The following UBE2U variants were observed in gnomAD, a reference collection of about 807,000 sequenced individuals.
The protein encoded by UBE2U is ubiquitin conjugating enzyme E2 U.
Under a neutral mutation model 41.2 loss-of-function variants are expected in UBE2U, and 39 were observed. The observed-to-expected ratio is 0.95, with a 90% CI of 0.73 to 1.24. The LOEUF (loss-of-function observed/expected upper bound fraction) is 1.24. UBE2U is among the 50% of genes most tolerant of loss of function. The pLI, the probability that UBE2U is intolerant of heterozygous loss-of-function variation, is 0.00. For missense variants in UBE2U, 336 were observed against 363.1 expected (o/e 0.93, Z 0.61); for synonymous variants, 107 against 117.8 (o/e 0.91, Z 0.60).
At chr1:64,209,437 G>A (rs568943598) in intron 3 of UBE2U, among the ~76,000 whole-genome samples, 1 of 152,122 alleles carries the variant, frequency 6.6e-6, no homozygotes, top group Non-Finnish European at 1.5e-5. Flanking sequence ...TGACCATACT[G>A]GGTATAGTCT....
rs1390326661 is a variant in UBE2U, at chr1:64,239,166, G to GAA, written c.596-2485_596-2484dup. Among the ~76,000 whole-genome samples, 45 of 84,704 alleles carry GAA rather than the reference G, an allele frequency of 5.3e-4. No homozygotes were observed. The East Asian group carries it at 0.021, about 40-fold the overall frequency. 55.6% of individuals were successfully genotyped at this position (84,704 alleles called of 152,430 possible). A position where few individuals can be genotyped will look rare whatever the true frequency, so the allele number is the denominator to read the frequency against. The stretch of plus-strand genomic sequence containing the variant: ...GAAGAAGAAGAAGAAGAAAGAAGAA[G>GAA]AAGAAGAAGAAGAAGAAGAAGAAGA... On this transcript the variant is annotated intron_variant, in intron 7 of 9. Transcript: ENST00000371077.
At chr1:64,241,289 A>G (rs534092847) in intron 7 of UBE2U, among the ~76,000 whole-genome samples, 6 of 152,304 alleles carry the variant, frequency 3.9e-5, no homozygotes, top group African/African-American at 1.2e-4. Flanking sequence ...GTTTTATTGC[A>G]TGACACTTAG....
intron 8 of UBE2U, among the ~76,000 whole-genome samples, chr1:64,246,583 A>G (rs1382179773): frequency 6.6e-6 from 1 of 152,164 alleles, no homozygotes; most frequent in Admixed American, 6.6e-5. Context: ...TTTTAAATAC[A>G]CACGTGGGAA....
chr1:64,257,088 G>A (rs998051587), intron 8 of UBE2U, among the ~76,000 whole-genome samples: 4 of 152,044 alleles, frequency 2.6e-5, no homozygotes, highest in Non-Finnish European at 5.9e-5. Flanking sequence ...TCAGAATGGC[G>A]ATTATTAAAA....
intron 7 of UBE2U, among the ~76,000 whole-genome samples, chr1:64,237,444 A>T (rs186521570): frequency 6.6e-6 from 1 of 152,328 alleles, no homozygotes; most frequent in East Asian, 1.9e-4. Flanking sequence ...CACAAATGCA[A>T]GATATCGTAG....
intron 5 of UBE2U, among the ~76,000 whole-genome samples, chr1:64,216,273 C>G (rs1419215823): frequency 1.3e-5 from 2 of 152,146 alleles, no homozygotes; most frequent in Non-Finnish European, 2.9e-5. Flanking sequence ...TAGAAAATTC[C>G]CTTCTTCTAA....
rs370369595 is a variant in UBE2U at position 64,221,214 on chromosome 1, C to T, written c.506+307C>T. ...ACAACCTCAGCCTCCACGGTTCAAG[C>T]GATTCTCCTGCCTCAGCCTCCCAAG... On this transcript the variant is annotated intron_variant, in intron 6 of 9. Transcript: ENST00000371077. Among the ~76,000 whole-genome samples the T allele has an allele frequency of 3.5e-4, 53 of 152,200 alleles. 1 individual carries two copies. The highest frequency in any genetic ancestry group is 1.2e-3 in the African/African-American group (49 of 41,520).
chr1:64,248,879 T>C (rs994414787), intron 8 of UBE2U, among the ~76,000 whole-genome samples: 2 of 151,758 alleles, frequency 1.3e-5, no homozygotes, highest in Non-Finnish European at 2.9e-5. Context: ...CCAGCTAGAG[T>C]GGAGAGACAC....
intron 5 of UBE2U, among the ~76,000 whole-genome samples, chr1:64,220,442 G>A (rs1652365508): frequency 2.0e-5 from 3 of 152,148 alleles, no homozygotes; most frequent in South Asian, 4.1e-4. Context: ...TTTTCCAGAG[G>A]TTAAATATCT....
intron 8 of UBE2U, among the ~76,000 whole-genome samples, chr1:64,242,930 A>C (rs901035427): frequency 1.3e-5 from 2 of 152,168 alleles, no homozygotes; most frequent in African/African-American, 4.8e-5. Context: ...TTCCTTTAAC[A>C]GAACTGTTTT....
intron 5 of UBE2U, among the ~76,000 whole-genome samples, chr1:64,216,958 C>A (rs1320132384): frequency 6.6e-6 from 1 of 152,166 alleles, no homozygotes; most frequent in Non-Finnish European, 1.5e-5. Flanking sequence ...ATTCCCAGTA[C>A]CTCCTTTCAC....
chr1:64,257,132 G>GA (rs1384967311), intron 8 of UBE2U, among the ~76,000 whole-genome samples: 2 of 152,144 alleles, frequency 1.3e-5, no homozygotes, highest in Non-Finnish European at 1.5e-5. Context: ...CAAGTTTGCA[G>GA]AAAAAAAGGA....
chr1:64,214,055 T>G lies in UBE2U; in HGVS notation c.340-760T>G, dbSNP rs369467433. On this transcript the variant is annotated intron_variant, in intron 4 of 9. Transcript: ENST00000371077. ...AACATTGTTATGTGGCACGTGAGTA[T>G]GTAAACTATACAGCCTGTTTCTTTT... 2.6e-4 allele frequency among the ~76,000 whole-genome samples: 40 copies of G among 152,356 alleles called. 4 individuals carry two copies. The South Asian group carries it at 4.8e-3, about 18-fold the overall frequency.
At chr1:64,205,515 TA>T (rs1651239161) in intron 1 of UBE2U, 123 bp from the exon 2 acceptor site, 2 of 761,556 alleles carry the variant, frequency 2.6e-6, no homozygotes, top group South Asian at 1.9e-5. Flanking sequence ...AGCAAATAAA[TA>T]AACTTATCAA....
chr1:64,251,751 T>C (rs966394046), intron 8 of UBE2U, among the ~76,000 whole-genome samples: 3 of 152,168 alleles, frequency 2.0e-5, no homozygotes, highest in Non-Finnish European at 2.9e-5. Context: ...ACCAGGGCCT[T>C]GGGTCCAATA....
intron 6 of UBE2U, among the ~76,000 whole-genome samples, chr1:64,222,083 C>T (rs1652519833): frequency 8.7e-6 from 1 of 114,776 alleles, no homozygotes; most frequent in Non-Finnish European, 1.7e-5. Flanking sequence ...CAGAGAGAGA[C>T]TCCATCTCAA....
At chr1:64,211,898 C>T (rs1009901207) in intron 4 of UBE2U, among the ~76,000 whole-genome samples, 2 of 152,158 alleles carry the variant, frequency 1.3e-5, no homozygotes, top group South Asian at 2.1e-4. Context: ...TAAATAATTA[C>T]ATTTTGATTA....
rs1010020372 is a variant in UBE2U, at chr1:64,211,899, A to G, written c.339+1060A>G. On this transcript the variant is annotated intron_variant, in intron 4 of 9. Transcript: ENST00000371077. ...ATAATATCTGAAGATAAATAATTACATTTTGATTATCTAGAATACTTGGAA... is the reference window on the plus strand; with the variant it reads ...ATAATATCTGAAGATAAATAATTACGTTTTGATTATCTAGAATACTTGGAA... 2.0e-5 allele frequency among the ~76,000 whole-genome samples: 3 copies of G among 152,356 alleles called. No individual in the cohort carries two copies. The East Asian group carries it at 5.8e-4, about 29-fold the overall frequency.
At chr1:64,252,407 T>A (rs1005121903) in intron 8 of UBE2U, among the ~76,000 whole-genome samples, 27 of 152,302 alleles carry the variant, frequency 1.8e-4, no homozygotes, top group Non-Finnish European at 3.8e-4. Flanking sequence ...AGCAGCCAGA[T>A]GGCTTCTATA....
Sources: allele counts gnomAD v4.1 joint callset (sites outside exome capture counted in the v4.1 genomes callset), GRCh38; gene constraint gnomAD v4.1.1; transcripts MANE v1.5; gene names NCBI Gene and HGNC (gene_info 2026-07-23, HGNC 2026-07-21).